Variants in TTLL11 observed in about 807,000 individuals in gnomAD.
TTLL11 encodes tubulin tyrosine ligase like 11.
Under a neutral mutation model 51.7 loss-of-function variants are expected in TTLL11, and 42 were observed. The ratio of observed to expected loss-of-function variants is 0.81; its 90% confidence interval spans 0.64 to 1.05. The LOEUF (loss-of-function observed/expected upper bound fraction) is 1.05. Ranked by LOEUF, TTLL11 falls within the 50% of genes least tolerant of loss-of-function variation. The pLI, the probability that TTLL11 is intolerant of heterozygous loss-of-function variation, is 0.00. For synonymous variants in TTLL11, 381 were observed against 383.5 expected, an observed-to-expected ratio of 0.99 and a Z score of 0.08; for missense variants, 799 against 940.4, an observed-to-expected ratio of 0.85 and a Z score of 1.97.
At chr9:121,855,300 A>G (rs1837780953) in intron 8 of TTLL11, among the ~76,000 whole-genome samples, 1 of 152,252 alleles carries the variant, frequency 6.6e-6, no homozygotes, top group South Asian at 2.1e-4. Context: ...CTGAGGTCTA[A>G]TAAAACACAA....
chr9:121,912,436 C>T (rs1017469481), intron 6 of TTLL11, among the ~76,000 whole-genome samples: 2 of 150,544 alleles, frequency 1.3e-5, no homozygotes, highest in African/African-American at 4.9e-5. Flanking sequence ...ATATGAAATG[C>T]TCTCTGTGTC....
At chr9:121,998,980 C>A (rs1241127794) in intron 3 of TTLL11, among the ~76,000 whole-genome samples, 1 of 152,140 alleles carries the variant, frequency 6.6e-6, no homozygotes, top group Non-Finnish European at 1.5e-5. Context: ...GAGGTTTCTC[C>A]CCATATTCCA....
At chr9:121,857,590 G>A (rs1390546918) in intron 8 of TTLL11, among the ~76,000 whole-genome samples, 1 of 152,220 alleles carries the variant, frequency 6.6e-6, no homozygotes, top group Non-Finnish European at 1.5e-5. Flanking sequence ...ACCTGGTGAT[G>A]ACTATTCCAC....
intron 1 of TTLL11, among the ~76,000 whole-genome samples, chr9:122,065,073 G>A (rs568283573): frequency 5.3e-5 from 8 of 152,190 alleles, no homozygotes; most frequent in Non-Finnish European, 8.8e-5. Flanking sequence ...GAAGAATCAC[G>A]TAAAGGGGCT....
At position 121,819,256 on chromosome 9, in the gene TTLL11, A is replaced by C. The variant is rs1185620010; in HGVS notation, c.*3331T>G. On this transcript the variant is annotated 3_prime_UTR_variant, in exon 9 of 9. Transcript: ENST00000321582. ...CCGTGAGGACAAAGCTCCCGCCCCT[A>C]ACAACAGAAATGCTGAGCCCGTCCC... 6.6e-6 allele frequency: 1 copy of C among 152,350 alleles called. No individual in the cohort carries two copies. The highest frequency in any genetic ancestry group is 6.5e-5 in the Admixed American group (1 of 15,278). The allele number at this position is 152,350 out of a possible 1,614,324, so 9.4% of individuals were successfully genotyped here.
chr9:121,860,745 C>A (rs1837981547), intron 7 of TTLL11, among the ~76,000 whole-genome samples: 1 of 152,220 alleles, frequency 6.6e-6, no homozygotes, highest in South Asian at 2.1e-4. Flanking sequence ...GGAATTGGGT[C>A]CTCACCAGAC....
chr9:122,063,310 C>A (rs961720240), intron 1 of TTLL11, among the ~76,000 whole-genome samples: 5 of 152,074 alleles, frequency 3.3e-5, no homozygotes, highest in Non-Finnish European at 7.4e-5. Context: ...TCAAAATCGA[C>A]CTATTTGAAG....
At chr9:121,826,517 A>G (rs1180627068) in intron 8 of TTLL11, among the ~76,000 whole-genome samples, 12,390 of 93,582 alleles carry the variant, frequency 0.13, 1,584 homozygotes, top group South Asian at 0.22. Context: ...ATATATATGT[A>G]TATATATATA....
chr9:121,986,713 G>T (rs932308168), intron 4 of TTLL11, among the ~76,000 whole-genome samples: 3 of 151,978 alleles, frequency 2.0e-5, no homozygotes, highest in Admixed American at 6.6e-5. Flanking sequence ...CTGGCGCCTA[G>T]CCCCTGGGGT....
intron 6 of TTLL11, among the ~76,000 whole-genome samples, chr9:121,927,992 T>C (rs1840807735): frequency 1.3e-5 from 2 of 152,218 alleles, no homozygotes; most frequent in South Asian, 4.1e-4. Context: ...TAAGATGCTA[T>C]TCCCAACCCT....
rs147005351 is a variant in TTLL11 at position 121,954,055 on chromosome 9, C to T, written c.1481+19954G>A. Among the ~76,000 whole-genome samples, 576 of 152,300 alleles carry T rather than the reference C, an allele frequency of 3.8e-3. 1 individual carries two copies. Among genetic ancestry groups the T allele is most frequent in the African/African-American group, 0.013 (548 of 41,562 alleles). ...AGCTTCTCTGAACTACCTTTGCATC[C>T]ACAGGACCCAACACAGCCCCAGCCC... On this transcript the variant is annotated intron_variant, in intron 6 of 8. Coordinates refer to ENST00000321582, the MANE Select transcript of TTLL11 (RefSeq NM_001139442.2).
intron 6 of TTLL11, among the ~76,000 whole-genome samples, chr9:121,939,222 G>T (rs1841351436): frequency 6.6e-6 from 1 of 152,052 alleles, no homozygotes; most frequent in Admixed American, 6.5e-5. Flanking sequence ...TAAAACTGGG[G>T]TTTATTGAGG....
intron 1 of TTLL11, among the ~76,000 whole-genome samples, chr9:122,064,245 C>A (rs1845511598): frequency 1.3e-5 from 2 of 152,114 alleles, no homozygotes; most frequent in African/African-American, 4.8e-5. Flanking sequence ...TTAAAGACCT[C>A]AAAATGGGTC....
At chr9:121,875,336 A>T (rs567581015) in intron 6 of TTLL11, among the ~76,000 whole-genome samples, 208 of 152,250 alleles carry the variant, frequency 1.4e-3, no homozygotes, top group African/African-American at 4.9e-3. Flanking sequence ...TAACCAGCAA[A>T]TTGTCTTTCT....
chr9:122,077,065 T>C (rs1009681768), intron 1 of TTLL11, among the ~76,000 whole-genome samples: 1 of 152,186 alleles, frequency 6.6e-6, no homozygotes, highest in Non-Finnish European at 1.5e-5. Flanking sequence ...TAGAACAGTA[T>C]GTACAGCAAC....
intron 8 of TTLL11, among the ~76,000 whole-genome samples, chr9:121,856,502 A>G (rs757710653): frequency 5.3e-5 from 8 of 152,202 alleles, no homozygotes; most frequent in Non-Finnish European, 1.0e-4. Context: ...ATTCTTAGCA[A>G]GCATTTTTTA....
chr9:121,943,193 T>C (rs1841552312), intron 6 of TTLL11, among the ~76,000 whole-genome samples: 2 of 152,178 alleles, frequency 1.3e-5, no homozygotes, highest in Non-Finnish European at 2.9e-5. Context: ...AATATGTGCA[T>C]AACAGCAGTC....
chr9:121,970,391 T>C (rs927218986), intron 6 of TTLL11, among the ~76,000 whole-genome samples: 3 of 152,238 alleles, frequency 2.0e-5, no homozygotes, highest in African/African-American at 4.8e-5. Context: ...TGTTTCAATG[T>C]CATTTAATGA....
At chr9:121,880,657 C>T (rs1222192805) in intron 6 of TTLL11, among the ~76,000 whole-genome samples, 2 of 152,218 alleles carry the variant, frequency 1.3e-5, no homozygotes, top group Non-Finnish European at 2.9e-5. Flanking sequence ...GGAAAGTTCC[C>T]AGAAGGGCAG....
Sources: gnomAD v4.1 joint callset for allele counts (sites outside exome capture counted in the v4.1 genomes callset) on GRCh38, gnomAD v4.1.1 for gene constraint, MANE v1.5 for transcripts, NCBI Gene and HGNC (gene_info 2026-07-23, HGNC 2026-07-21) for gene names.